Variants in FKBP14 observed in about 807,000 individuals in gnomAD.
FKBP14 encodes the protein peptidyl-prolyl cis-trans isomerase FKBP14.
Under a neutral mutation model 21.6 loss-of-function variants are expected in FKBP14, and 20 were observed. The ratio of observed to expected loss-of-function variants is 0.92; its 90% CI spans 0.65 to 1.34. FKBP14 has a LOEUF of 1.34. Among genes scored for constraint, FKBP14 ranks in the 40% most tolerant of loss-of-function variants. The pLI, the probability that FKBP14 is intolerant of heterozygous loss-of-function variation, is 0.00. For missense variants in FKBP14, 253 were observed against 249.0 expected, an observed-to-expected ratio of 1.02 and a Z score of -0.11; for synonymous variants, 79 against 86.7, an observed-to-expected ratio of 0.91 and a Z score of 0.49.
At chr7:30,010,034 T>C (rs190909875), downstream of FKBP14, among the ~76,000 whole-genome samples, 185 of 151,996 alleles carry the variant, frequency 1.2e-3, 1 homozygote, top group African/African-American at 4.3e-3. Flanking sequence ...AAAAGAAATA[T>C]AAGCAATATC....
At position 30,018,993 on chromosome 7, in the gene FKBP14, C is replaced by A; in HGVS notation, c.477+3G>T. The A allele has an allele frequency of 6.2e-7, 1 of 1,608,198 alleles. No homozygotes were observed. Among genetic ancestry groups the A allele is most frequent in the South Asian group, 1.1e-5 (1 of 89,760 alleles). On this transcript the variant is annotated splice_donor_region_variant and intron_variant, in intron 3 of 3. Transcript: ENST00000222803. ...AAGAGGAGTAGGAAGAAGGAAAGGT[C>A]ACCTCATCTTTAGAGAGTTTCCAGT...
intron 2 of FKBP14, chr7:30,020,199 G>A: frequency 4.2e-6 from 5 of 1,190,660 alleles, no homozygotes; most frequent in Non-Finnish European, 5.4e-6. Flanking sequence ...CTTATAAAGT[G>A]TGCTGAAGCT....
At chr7:30,009,738 C>T (rs2127944567), downstream of FKBP14, among the ~76,000 whole-genome samples, 1 of 151,724 alleles carries the variant, frequency 6.6e-6, no homozygotes, top group South Asian at 2.1e-4. Flanking sequence ...GCCTGTAATC[C>T]CAGCCCTTTG....
intron 1 of FKBP14, among the ~76,000 whole-genome samples, chr7:30,023,512 C>T (rs1790089847): frequency 6.6e-6 from 1 of 152,188 alleles, no homozygotes; most frequent in South Asian, 2.1e-4. Flanking sequence ...AGACCCTAGC[C>T]CAGTTTCCTC....
downstream of FKBP14, chr7:30,008,207 G>A (rs1403908952): frequency 6.6e-6 from 1 of 152,186 alleles, no homozygotes; most frequent in Non-Finnish European, 1.5e-5. Flanking sequence ...AAACTAAGGT[G>A]TGTGTCTCAT....
chr7:30,016,011 G>A (rs1789875627), intron 3 of FKBP14, among the ~76,000 whole-genome samples: 1 of 152,116 alleles, frequency 6.6e-6, no homozygotes, highest in African/African-American at 2.4e-5. Context: ...CCAGGCTCAA[G>A]CAATCCTCCT....
In FKBP14 at chr7:30,014,876, C is replaced by G. The variant is rs142474407; in HGVS notation, c.495G>C (p.Lys165Asn). The change falls in exon 4 of 4, where the codon AAG becomes AAC. Residue 165 changes from lysine (K) to asparagine (N), a missense_variant. Physicochemically the swap from Lys to Asn is moderately conservative, Grantham distance 94. Transcript: ENST00000222803. ...LSKDEVKAYL[K>N]KEFEKHGAVV... ...CCGCACCATGTTTTTCAAACTCCTTCTTTAAATATGCTTTAACCTACAAAA... is the reference window on the plus strand; with the variant it reads ...CCGCACCATGTTTTTCAAACTCCTTGTTTAAATATGCTTTAACCTACAAAA... 1.3e-6 allele frequency: 2 copies of G among 1,591,394 alleles called. No homozygotes were observed. Among genetic ancestry groups the G allele is most frequent in the African/African-American group, 2.7e-5 (2 of 73,886 alleles).
At chr7:30,010,205 G>A (rs149966000), downstream of FKBP14, among the ~76,000 whole-genome samples, 33 of 152,108 alleles carry the variant, frequency 2.2e-4, no homozygotes, top group African/African-American at 7.7e-4. Flanking sequence ...ACTGATTTAC[G>A]CAGTAGGCAT....
rs1790069919 is a variant in FKBP14, at chr7:30,022,763, G to A, written c.251C>T (p.Ala84Val). The change falls in exon 2 of 4, where the codon GCT (alanine) becomes GTT (valine). Residue 84 changes from alanine (A) to valine (V), a missense_variant. Transcript: ENST00000222803. ...PIWFTLGILE[A>V]LKGWDQGLKG... is the part of the protein sequence containing the mutation. ...CAAGCCCTGGTCCCAACCTTTGAGA[G>A]CCTCCAGGATGCCCAGGGTAAACCA... is the stretch of plus-strand genomic sequence containing the variant. 1 of 1,613,986 alleles carries A rather than the reference G, an allele frequency of 6.2e-7. No homozygotes were observed. The highest frequency in any genetic ancestry group is 1.7e-5 in the Admixed American group (1 of 59,992).
intron 1 of FKBP14, among the ~76,000 whole-genome samples, chr7:30,025,088 A>T (rs1487122542): frequency 6.6e-6 from 1 of 152,168 alleles, no homozygotes; most frequent in Non-Finnish European, 1.5e-5. Flanking sequence ...CTCAAGACAG[A>T]CCAGGTCTGA....
intron 1 of FKBP14, among the ~76,000 whole-genome samples, chr7:30,023,729 G>A (rs1360335825): frequency 4.6e-5 from 7 of 152,170 alleles, no homozygotes; most frequent in African/African-American, 1.2e-4. Context: ...GCAAAGGCAC[G>A]TCTTACATGG....
At chr7:30,010,074 A>G (rs962091291), downstream of FKBP14, among the ~76,000 whole-genome samples, 3 of 152,192 alleles carry the variant, frequency 2.0e-5, no homozygotes, top group East Asian at 1.9e-4. Flanking sequence ...TAAAAACTAC[A>G]AATTCATTTC....
At chr7:30,020,394 T>C (rs1296103537) in intron 2 of FKBP14, 3 of 563,224 alleles carry the variant, frequency 5.3e-6, no homozygotes, top group South Asian at 1.8e-5. Flanking sequence ...TCTCTACTTA[T>C]TGTGAAGTAA....
chr7:30,019,375 C>T (rs540491436), intron 2 of FKBP14, among the ~76,000 whole-genome samples: 2 of 152,054 alleles, frequency 1.3e-5, no homozygotes, highest in South Asian at 4.1e-4. Flanking sequence ...CACATACACA[C>T]AATGCATATA....
At chr7:30,006,243 TC>T (rs1228996223), downstream of FKBP14, among the ~76,000 whole-genome samples, 1 of 150,030 alleles carries the variant, frequency 6.7e-6, no homozygotes, top group African/African-American at 2.4e-5. Context: ...CATCTCAGCC[TC>T]CTGAGTAGCT....
intron 2 of FKBP14, 125 bp from the exon 3 acceptor site, chr7:30,019,248 A>G (rs1271926861): frequency 1.2e-6 from 1 of 867,082 alleles, no homozygotes; most frequent in Non-Finnish European, 1.7e-6. Flanking sequence ...ATTGTCATAT[A>G]TGATGAAAAT....
chr7:30,017,743 A>G (rs1583728977), intron 3 of FKBP14, among the ~76,000 whole-genome samples: 1 of 151,552 alleles, frequency 6.6e-6, no homozygotes, highest in African/African-American at 2.4e-5. Context: ...TGCTGGGCAC[A>G]GTGGTTCACG....
At position 30,012,995 on chromosome 7, in the gene FKBP14, A is replaced by C. The variant is rs1789779333; in HGVS notation, c.*1740T>G. The C allele has an allele frequency of 6.6e-6, 1 of 152,160 alleles. No homozygotes were observed. The highest frequency in any genetic ancestry group is 1.5e-5 in the Non-Finnish European group (1 of 68,028). 9.4% of individuals were successfully genotyped at this position (152,160 alleles called of 1,614,324 possible). The stretch of plus-strand genomic sequence containing the variant: ...ATAACAGTCAATCTTTTTGAATGAC[A>C]ATTTCCTCGTCTATAAATTAGGTAC... On this transcript the variant is annotated 3_prime_UTR_variant, in exon 4 of 4. Transcript: ENST00000222803.
Position 30,026,514 on chromosome 7 carries a change from T to C in FKBP14, c.-6A>G, listed in dbSNP as rs1052849532. On this transcript the variant is annotated 5_prime_UTR_variant, in exon 1 of 4. Coordinates refer to ENST00000222803, the MANE Select transcript of FKBP14 (RefSeq NM_017946.4). The stretch of plus-strand genomic sequence containing the variant: ...TTCCACAAGAAAAGCCTCATGTTGC[T>C]GAAGCAAGGAAAGAAGTCCCTACAA... 1 of 1,603,368 alleles carries C rather than the reference T, an allele frequency of 6.2e-7. No individual in the cohort carries two copies. Among genetic ancestry groups the C allele is most frequent in the African/African-American group, 1.3e-5 (1 of 74,288 alleles).
Sources: allele counts gnomAD v4.1 joint callset (sites outside exome capture counted in the v4.1 genomes callset), GRCh38; gene constraint gnomAD v4.1.1; transcripts MANE v1.5; gene names NCBI Gene and HGNC (gene_info 2026-07-23, HGNC 2026-07-21).